BRWD1: variants seen among roughly 807,000 people sequenced by gnomAD.
The protein encoded by BRWD1 is bromodomain and WD repeat-containing protein 1.
BRWD1 carries 82 observed loss-of-function variants against 251.2 expected under a neutral mutation model. The observed-to-expected ratio is 0.33, with a 90% CI of 0.27 to 0.39. BRWD1 has a LOEUF of 0.39. Among genes scored for constraint, BRWD1 ranks in the 10% least tolerant of loss-of-function variants. The pLI, the probability that BRWD1 is intolerant of heterozygous loss-of-function variation, is 1.00. For synonymous variants in BRWD1, 918 were observed against 902.8 expected (o/e 1.02, Z -0.30); for missense variants, 2,233 against 2,711.6 (o/e 0.82, Z 3.92).
At chr21:39,210,707 T>C in intron 35 of BRWD1, 79 bp downstream of exon 35, 1 of 1,460,834 alleles carries the variant, frequency 6.8e-7, no homozygotes, top group Non-Finnish European at 9.1e-7. Flanking sequence ...ATCTTTCTCT[T>C]TAAAGTTTAA....
In BRWD1 at chr21:39,209,928, C is replaced by T. The variant is rs1457653693; in HGVS notation, c.4197+67G>A. The T allele has an allele frequency of 9.5e-6, 14 of 1,480,558 alleles. No individual in the cohort carries two copies. The Admixed American group carries it at 2.8e-4, about 30-fold the overall frequency. 91.7% of individuals were successfully genotyped at this position (1,480,558 alleles called of 1,614,324 possible). On this transcript the variant is annotated intron_variant, in intron 36 of 40. Transcript: ENST00000342449. ...TGGAAAATTACACTGGAAAAAATTA[C>T]TATTACATTGGAAAATTATCTACAC...
At chr21:39,205,570 G>A (rs557026207) in intron 37 of BRWD1, among the ~76,000 whole-genome samples, 3 of 151,968 alleles carry the variant, frequency 2.0e-5, no homozygotes, top group Non-Finnish European at 4.4e-5. Context: ...TCAGGAGTTC[G>A]AGACCAGCCT....
chr21:39,264,425 C>T (rs200408431), intron 17 of BRWD1, 35 bp downstream of exon 17: 38,827 of 990,002 alleles, frequency 0.039, 278 homozygotes, highest in Admixed American at 0.071. Flanking sequence ...TCAAGTACAA[C>T]TTTAAAAAAA....
In BRWD1 at chr21:39,199,236, C is replaced by G. The variant is rs766382347; in HGVS notation, c.5180G>C (p.Arg1727Pro). 52 of 1,614,022 alleles carry G rather than the reference C, an allele frequency of 3.2e-5. No individual in the cohort carries two copies. The highest frequency in any genetic ancestry group is 4.3e-5 in the Non-Finnish European group (51 of 1,180,042). The change falls in exon 40 of 41, where the codon CGG becomes CCG. Residue 1727 changes from arginine (R) to proline (P), a missense_variant. Arg to Pro is a moderately radical substitution (Grantham distance 103, BLOSUM62 -2). Coordinates refer to ENST00000342449, the MANE Select transcript of BRWD1 (RefSeq NM_033656.4). ...AGCATGCCAATTTTTCCGGGCTACC[C>G]GCAAATCACTTTCTGACTCTGAGTC... ...NRDSESESDL[R>P]VARKNWHANG...
chr21:39,306,195 G>C (rs368316653), intron 4 of BRWD1, among the ~76,000 whole-genome samples: 1 of 149,964 alleles, frequency 6.7e-6, no homozygotes, highest in Non-Finnish European at 1.5e-5. Context: ...TCAGCCTCCC[G>C]AGTAGCTGGG....
chr21:39,269,884 T>G lies in BRWD1; in HGVS notation c.1530+15A>C, dbSNP rs373700165. On this transcript the variant is annotated intron_variant, in intron 15 of 40. Coordinates refer to ENST00000342449, the MANE Select transcript of BRWD1 (RefSeq NM_033656.4). ...ATTATCAAGCATGTATCAAGGTACA[T>G]CTCACTTCACTTACCATATTAAAAT... 2.6e-5 allele frequency: 39 copies of G among 1,492,566 alleles called. No individual in the cohort carries two copies. The highest frequency in any genetic ancestry group is 1.8e-4 in the Middle Eastern group (1 of 5,594). The allele number at this position is 1,492,566 out of a possible 1,614,324, so 92.5% of individuals were successfully genotyped here. A position where few individuals can be genotyped will look rare whatever the true frequency, so the allele number is the denominator to read the frequency against.
intron 22 of BRWD1, among the ~76,000 whole-genome samples, chr21:39,237,387 G>C (rs2033847833): frequency 6.6e-6 from 1 of 152,164 alleles, no homozygotes; most frequent in Non-Finnish European, 1.5e-5. Context: ...ACTAGTCCCT[G>C]GTCCACTACT....
intron 21 of BRWD1, among the ~76,000 whole-genome samples, chr21:39,240,791 A>G (rs889891549): frequency 1.3e-5 from 2 of 152,240 alleles, no homozygotes; most frequent in African/African-American, 4.8e-5. Flanking sequence ...AAGGATAAAT[A>G]ACTTTTGAAA....
In BRWD1 at chr21:39,195,835, G is replaced by A. The variant is rs1442315276; in HGVS notation, c.*424C>T. 2.0e-6 allele frequency: 2 copies of A among 988,058 alleles called. No homozygotes were observed. The highest frequency in any genetic ancestry group is 1.2e-4 in the Admixed American group (2 of 16,334). 61.2% of individuals were successfully genotyped at this position (988,058 alleles called of 1,614,324 possible). On this transcript the variant is annotated 3_prime_UTR_variant, in exon 41 of 41. Transcript: ENST00000342449. ...GTATGCATGTATTTATGAAGAATCTGTAAACATAGGTTGTGAAATTGTTGT... is the reference window on the plus strand; with the variant it reads ...GTATGCATGTATTTATGAAGAATCTATAAACATAGGTTGTGAAATTGTTGT...
rs759707519 is a variant in BRWD1 at position 39,229,392 on chromosome 21, C to A, written c.3045G>T (p.Gly1015=). The A allele has an allele frequency of 2.5e-5, 40 of 1,610,090 alleles. No individual in the cohort carries two copies. The East Asian group carries it at 8.3e-4, about 33-fold the overall frequency. ...VKIVGIRYEV[G]PPTLCCLKLA... ...GTTTTAGGCAACAGAGTGTAGGGGGCCCAACTTCATATCGTATTCCAACTA... is the reference window on the plus strand; with the variant it reads ...GTTTTAGGCAACAGAGTGTAGGGGGACCAACTTCATATCGTATTCCAACTA... Residue 1015 remains glycine (G), a synonymous_variant, in exon 26 of 41, where the codon GGG becomes GGT. Transcript: ENST00000342449.
chr21:39,256,682 G>A (rs1483556138), intron 18 of BRWD1, among the ~76,000 whole-genome samples: 1 of 152,188 alleles, frequency 6.6e-6, no homozygotes, highest in African/African-American at 2.4e-5. Context: ...AGCCTCTGAG[G>A]AGGAAGTCCT....
intron 15 of BRWD1, among the ~76,000 whole-genome samples, chr21:39,268,156 T>C (rs1378607872): frequency 2.0e-5 from 3 of 152,032 alleles, no homozygotes; most frequent in Non-Finnish European, 4.4e-5. Flanking sequence ...TTCAGATTAG[T>C]CTCAAAAGCG....
At position 39,196,848 on chromosome 21, in the gene BRWD1, G is replaced by A. The variant is rs771303189; in HGVS notation, c.6221C>T (p.Thr2074Ile). 3 of 1,613,482 alleles carry A rather than the reference G, an allele frequency of 1.9e-6. No homozygotes were observed. Among genetic ancestry groups the A allele is most frequent in the African/African-American group, 1.3e-5 (1 of 74,880 alleles). Residue 2074 changes from threonine (T) to isoleucine (I), a missense_variant, in exon 41 of 41, where the codon ACC (threonine) becomes ATC (isoleucine). Thr to Ile is a moderately conservative substitution (Grantham distance 89, BLOSUM62 -1). Around this residue, in one of 12 missense-constraint regions of BRWD1, gnomAD observed 928 missense variants for 970.0 expected, o/e 0.96. Transcript: ENST00000342449. Reference sequence around the variant, plus strand: ...CTCTGCAGTAGCTTTTTGTGCCAAGGTTGACTCTGAAGAAAATGTCCTATC... The same window carrying A: ...CTCTGCAGTAGCTTTTTGTGCCAAGATTGACTCTGAAGAAAATGTCCTATC... Reference protein sequence around the residue: ...ETDRTFSSESTLAQKATAENN... With the variant: ...ETDRTFSSESILAQKATAENN...
At chr21:39,203,269 T>C (rs539180525) in intron 37 of BRWD1, among the ~76,000 whole-genome samples, 8 of 151,866 alleles carry the variant, frequency 5.3e-5, no homozygotes, top group East Asian at 1.9e-4. Flanking sequence ...CTGGGCAACA[T>C]AGCATGACCC....
In BRWD1 at chr21:39,193,641, C is replaced by CAA. The variant is rs2031666485; in HGVS notation, c.*2616_*2617dup. ...TCACATACACCATTAAGTTGAACTT[C>CAA]AAGTGCAGTGGAAAGGTACAGCACT... On this transcript the variant is annotated 3_prime_UTR_variant, in exon 41 of 41. Transcript: ENST00000342449. 1 of 985,524 alleles carries CAA rather than the reference C, an allele frequency of 1.0e-6. No individual in the cohort carries two copies. The highest frequency in any genetic ancestry group is 4.7e-5 in the South Asian group (1 of 21,286). The allele number at this position is 985,524 out of a possible 1,614,324, so 61.0% of individuals were successfully genotyped here. A position where few individuals can be genotyped will look rare whatever the true frequency, so the allele number is the denominator to read the frequency against.
In BRWD1 at chr21:39,280,058, A is replaced by C. The variant is rs1379543678; in HGVS notation, c.932+90T>G. ...AGGTTAAAAAAAAGCAACAATACAC[A>C]ATTTCTCATAACAATAAAACTTCAT... is the stretch of plus-strand genomic sequence containing the variant. On this transcript the variant is annotated intron_variant, in intron 9 of 40. Transcript: ENST00000342449. 4.2e-6 allele frequency: 4 copies of C among 963,242 alleles called. No individual in the cohort carries two copies. The East Asian group carries it at 1.1e-4, about 27-fold the overall frequency. 59.7% of individuals were successfully genotyped at this position (963,242 alleles called of 1,614,324 possible).
In BRWD1 at chr21:39,194,635, C is replaced by A; in HGVS notation, c.*1624G>T. 2 of 1,529,936 alleles carry A rather than the reference C, an allele frequency of 1.3e-6. No individual in the cohort carries two copies. Among genetic ancestry groups the A allele is most frequent in the South Asian group, 2.4e-5 (2 of 83,288 alleles). The allele number at this position is 1,529,936 out of a possible 1,614,324, so 94.8% of individuals were successfully genotyped here. A position where few individuals can be genotyped will look rare whatever the true frequency, so the allele number is the denominator to read the frequency against. ...AAAGAAAATGTACCTTCTACTATGT[C>A]AAATGGAATAGATAACTACAAAATA... On this transcript the variant is annotated 3_prime_UTR_variant, in exon 41 of 41. Transcript: ENST00000342449.
At chr21:39,301,661 G>T (rs9979691) in intron 4 of BRWD1, among the ~76,000 whole-genome samples, 2 of 152,050 alleles carry the variant, frequency 1.3e-5, no homozygotes, top group African/African-American at 4.8e-5. Flanking sequence ...ACAGAAACTG[G>T]CAGATAACAA....
intron 19 of BRWD1, among the ~76,000 whole-genome samples, chr21:39,251,667 A>C (rs1424356249): frequency 6.6e-6 from 1 of 152,208 alleles, no homozygotes; most frequent in Non-Finnish European, 1.5e-5. Flanking sequence ...TTACAGTAGA[A>C]CATTATTTTA....
Sources: allele counts gnomAD v4.1 joint callset (sites outside exome capture counted in the v4.1 genomes callset), GRCh38; gene constraint gnomAD v4.1.1; regional missense constraint gnomAD v4.1.1; transcripts MANE v1.5; gene names NCBI Gene and HGNC (gene_info 2026-07-23, HGNC 2026-07-21).